The following SEMA4G variants were observed in gnomAD, a reference collection of about 807,000 sequenced individuals.
SEMA4G encodes the protein semaphorin-4G.
A neutral mutation model predicts 81.2 loss-of-function variants in SEMA4G; 59 were observed. The observed-to-expected ratio is 0.73, with a 90% confidence interval of 0.59 to 0.90. The LOEUF is 0.90. Ranked by LOEUF, SEMA4G falls within the 40% of genes least tolerant of loss-of-function variation. The pLI is 0.00. For synonymous variants in SEMA4G, 404 were observed against 433.9 expected (o/e 0.93, Z 0.86); for missense variants, 952 against 1,102.3 (o/e 0.86, Z 1.93).
upstream of SEMA4G, chr10:100,972,421 T>C (rs546732478): frequency 6.5e-6 from 1 of 154,674 alleles, no homozygotes; most frequent in African/African-American, 2.4e-5. Context: ...GGGCGTTCTG[T>C]GGATGCTGGG....
Position 100,973,232 on chromosome 10 carries a change from G to A in SEMA4G, c.228G>A (p.Leu76=). The change falls in exon 2 of 14, where the codon CTG becomes CTA. Residue 76 remains leucine (L), a synonymous_variant. Coordinates refer to ENST00000370250, the Ensembl canonical transcript of SEMA4G. This position sits in a 1 kb window ranked among gnomAD's most constrained non-coding sequence, Gnocchi z 5.5. Reference sequence around the variant, plus strand: ...TGCTGGTGGGAGCCCGAGGTGCCCTGTTCTCTCTCAGTGCCAACGACATAG... The same window carrying A: ...TGCTGGTGGGAGCCCGAGGTGCCCTATTCTCTCTCAGTGCCAACGACATAG... The A allele has an allele frequency of 1.2e-6, 2 of 1,613,474 alleles. No individual in the cohort carries two copies. Among genetic ancestry groups the A allele is most frequent in the Non-Finnish European group, 8.5e-7 (1 of 1,180,012 alleles).
At position 100,979,969 on chromosome 10, in the gene SEMA4G, G is replaced by A. The variant is rs1390825588; in HGVS notation, c.1105G>A (p.Val369Met). Residue 369 changes from valine (V) to methionine (M), a missense_variant, in exon 9 of 14, where the codon GTG becomes ATG. Val to Met is a conservative substitution (Grantham distance 21, BLOSUM62 1). Around this residue, in one of 3 missense-constraint regions of SEMA4G, gnomAD observed 436 missense variants for 488.2 expected, o/e 0.89. Coordinates refer to ENST00000370250, the Ensembl canonical transcript of SEMA4G. ...GCGCTGGGGTCGCTATGAGGGTGGG[G>A]TGCCTGAGCCCCGGCCTGGCTCGGT... is the stretch of plus-strand genomic sequence containing the variant. The A allele has an allele frequency of 1.9e-6, 3 of 1,614,086 alleles. No homozygotes were observed. In the South Asian group the frequency reaches 3.3e-5, roughly 18 times the overall value.
chr10:100,973,343 C>A lies in SEMA4G; in HGVS notation c.273+66C>A. ...CTTATCCAGCTCCCTGGGACCTCAA[C>A]TTCCTTAAAACCCTGCCAGCCTTCC... On this transcript the variant is annotated intron_variant, in intron 2 of 13. Transcript: ENST00000370250. This position sits in a 1 kb window ranked among gnomAD's most constrained non-coding sequence, Gnocchi z 5.5. 1 of 1,587,340 alleles carries A rather than the reference C, an allele frequency of 6.3e-7. No individual in the cohort carries two copies. The highest frequency in any genetic ancestry group is 8.6e-7 in the Non-Finnish European group (1 of 1,167,038).
exon 4 of SEMA4G, chr10:100,977,634 G>A (rs368885285): frequency 1.2e-5 from 20 of 1,613,704 alleles, no homozygotes; most frequent in Non-Finnish European, 1.5e-5. Context: ...TCCCACAGAC[G>A]GAGTGCTTTA....
upstream of SEMA4G, among the ~76,000 whole-genome samples, chr10:100,970,279 G>A (rs778033332): frequency 7.2e-5 from 11 of 152,096 alleles, no homozygotes; most frequent in Admixed American, 1.3e-4. Flanking sequence ...ACTGAAGGGA[G>A]GGGTGATATG....
chr10:100,980,363 C>A lies in SEMA4G; in HGVS notation c.1351+19C>A. ...GGCACAGGTGCTTCTGATCCCAATC[C>A]CTGATCCCTGTTGGCCCTGATCACT... On this transcript the variant is annotated intron_variant, in intron 10 of 13. Transcript: ENST00000370250. 6.2e-7 allele frequency: 1 copy of A among 1,603,344 alleles called. No individual in the cohort carries two copies. The highest frequency in any genetic ancestry group is 2.2e-5 in the East Asian group (1 of 44,794).
Position 100,973,704 on chromosome 10 carries a change from C to CCCAT in SEMA4G, c.336+96_336+97insCATC. The CCCAT allele has an allele frequency of 9.0e-7, 1 of 1,107,166 alleles. No homozygotes were observed. The allele number at this position is 1,107,166 out of a possible 1,614,324, so 68.6% of individuals were successfully genotyped here. On this transcript the variant is annotated intron_variant, in intron 3 of 13. Coordinates refer to ENST00000370250, the Ensembl canonical transcript of SEMA4G. This position sits in a 1 kb window ranked among gnomAD's most constrained non-coding sequence, Gnocchi z 5.5. ...GGGGACACAGATGGGTAGGTACAGA[C>CCCAT]CTGCCAGTCAATCTCAGCAACCACA...
chr10:100,984,839 T>C, downstream of SEMA4G: 2 of 1,508,482 alleles, frequency 1.3e-6, no homozygotes, highest in Non-Finnish European at 1.8e-6. Flanking sequence ...TCCCTTCCTG[T>C]GTGGCCCTTG....
chr10:100,971,774 A>G (rs954721583), upstream of SEMA4G, among the ~76,000 whole-genome samples: 1 of 152,270 alleles, frequency 6.6e-6, no homozygotes. Flanking sequence ...GGAGGGTCCA[A>G]GATGTGTCGG....
chr10:100,984,945 C>T, downstream of SEMA4G: 3 of 1,390,150 alleles, frequency 2.2e-6, no homozygotes, highest in Non-Finnish European at 9.5e-7. Flanking sequence ...GTAACACACA[C>T]CTGTATCACA....
intron 13 of SEMA4G, among the ~76,000 whole-genome samples, chr10:100,981,850 G>C (rs1225693782): frequency 1.3e-5 from 2 of 152,032 alleles, no homozygotes; most frequent in Non-Finnish European, 2.9e-5. Context: ...TTGAGCTCAG[G>C]AATTGGAGAC....
exon 14 of SEMA4G, chr10:100,983,612 G>C (rs749431067): frequency 2.5e-6 from 4 of 1,614,058 alleles, no homozygotes; most frequent in Non-Finnish European, 2.5e-6. Flanking sequence ...CCACACCTGG[G>C]GCACAGCTGG....
rs758503821 is a variant in SEMA4G, at chr10:100,981,002, G to A, written c.1628+20G>A. The A allele has an allele frequency of 6.3e-7, 1 of 1,594,022 alleles. No homozygotes were observed. Among genetic ancestry groups the A allele is most frequent in the African/African-American group, 1.3e-5 (1 of 74,634 alleles). On this transcript the variant is annotated intron_variant, in intron 12 of 13. Transcript: ENST00000370250. The stretch of plus-strand genomic sequence containing the variant: ...CAACAGGTCCCAGGGAAGCAGGTGG[G>A]AAGTGGTGGGGGGTGACAGTCACAT...
intron 8 of SEMA4G, 62 bp from the exon 10 acceptor site, chr10:100,979,786 C>T (rs1415761587): frequency 2.3e-5 from 36 of 1,591,514 alleles, no homozygotes; most frequent in South Asian, 2.1e-4. Flanking sequence ...AGGCTGAGCA[C>T]GAGTTGGGGG....
chr10:100,971,461 T>G (rs893224987), upstream of SEMA4G, among the ~76,000 whole-genome samples: 2 of 152,244 alleles, frequency 1.3e-5, no homozygotes, highest in Non-Finnish European at 2.9e-5. Flanking sequence ...CTCAGGGCTC[T>G]GCCCCTGCAG....
At chr10:100,972,667 C>A in exon 1 of SEMA4G, 1 of 480,860 alleles carries the variant, frequency 2.1e-6, no homozygotes, top group Non-Finnish European at 3.7e-6. Context: ...CATGTGATCC[C>A]TCCCTCCTTC....
At chr10:100,979,737 G>C in intron 8 of SEMA4G, 111 bp from the exon 10 acceptor site, 1 of 1,238,470 alleles carries the variant, frequency 8.1e-7, no homozygotes, top group Non-Finnish European at 1.2e-6. Context: ...AGGCCCTGTG[G>C]GACTATAGCT....
At chr10:100,984,888 GTA>G (rs776469814), downstream of SEMA4G, 8 of 1,468,828 alleles carry the variant, frequency 5.4e-6, no homozygotes, top group South Asian at 1.1e-4. Flanking sequence ...ATTCTCAAGA[GTA>G]TGAGAGACAG....
chr10:100,983,934 C>A lies in SEMA4G; in HGVS notation c.2320C>A (p.Pro774Thr), dbSNP rs771918484. 6.2e-7 allele frequency: 1 copy of A among 1,607,264 alleles called. No homozygotes were observed. Among genetic ancestry groups the A allele is most frequent in the Non-Finnish European group, 8.5e-7 (1 of 1,177,890 alleles). ...ACCACCCCCACCGCCCCCACCGCCA[C>A]CGGCTGAGCTGACCAATGGCTTGGT... Residue 774 changes from proline to threonine, a missense_variant, in exon 14 of 14, where the codon CCG (proline) becomes ACG (threonine). By Grantham distance (38) the Pro-to-Thr change is conservative. Coordinates refer to ENST00000370250, the Ensembl canonical transcript of SEMA4G.
Sources: gnomAD v4.1 joint callset for allele counts (sites outside exome capture counted in the v4.1 genomes callset) on GRCh38, gnomAD v4.1.1 for gene constraint, gnomAD v4.1.1 regional missense constraint, Gnocchi (gnomAD v3.1) non-coding constraint, MANE v1.5 for transcripts, NCBI Gene and HGNC (gene_info 2026-07-23, HGNC 2026-07-21) for gene names.